RNF19B: variants seen among roughly 807,000 people sequenced by gnomAD.
The protein encoded by RNF19B is E3 ubiquitin-protein ligase RNF19B.
In RNF19B, 23 loss-of-function variants were observed where a neutral mutation model predicts 65.5. The ratio of observed to expected loss-of-function variants is 0.35; its 90% CI spans 0.25 to 0.50. RNF19B has a LOEUF of 0.50. Among genes scored for constraint, RNF19B ranks in the 20% least tolerant of loss-of-function variants. The probability of loss-of-function intolerance (pLI) is 0.98; values close to 1 mark genes in which losing one functional copy is unlikely to be tolerated. For synonymous variants in RNF19B, 372 were observed against 379.6 expected (o/e 0.98, Z 0.23); for missense variants, 794 against 980.0 (o/e 0.81, Z 2.53).
chr1:32,938,354 C>T lies in RNF19B; in HGVS notation c.1742+43G>A, dbSNP rs753502870. 30 of 1,613,050 alleles carry T rather than the reference C, an allele frequency of 1.9e-5. No homozygotes were observed. In the East Asian group the frequency reaches 2.2e-4, roughly 12 times the overall value. On this transcript the variant is annotated intron_variant, in intron 8 of 8. Transcript: ENST00000235150. ...GAACTTCTGAAGACCTAGTACCCAA[C>T]GAAAAAATGCAACCTCTCCTGGACA...
At chr1:32,944,247 CT>C in intron 5 of RNF19B, 88 bp from the exon 6 acceptor site, 1 of 1,417,556 alleles carries the variant, frequency 7.1e-7, no homozygotes, top group Non-Finnish European at 9.5e-7. Flanking sequence ...GGACAAACCA[CT>C]TTATAAAGAA....
Position 32,964,612 on chromosome 1 carries a change from C to A in RNF19B, c.74G>T (p.Arg25Leu). The change falls in exon 1 of 9, where the codon CGC becomes CTC. Residue 25 changes from arginine to leucine, a missense_variant. Transcript: ENST00000235150. This position sits in a 1 kb window ranked among gnomAD's most constrained non-coding sequence, Gnocchi z 6.5. ...LHAAAPDPKCRSGGRRRRLTL... is the reference protein window; with the variant it reads ...LHAAAPDPKCLSGGRRRRLTL... ...GAGGCGCCGGCGCCGGCCGCCGCTG[C>A]GGCACTTAGGGTCGGGTGCGGCCGC... 2.7e-6 allele frequency: 4 copies of A among 1,463,564 alleles called. No individual in the cohort carries two copies. The highest frequency in any genetic ancestry group is 2.7e-6 in the Non-Finnish European group (3 of 1,111,270). 90.7% of individuals were successfully genotyped at this position (1,463,564 alleles called of 1,614,324 possible). A position where few individuals can be genotyped will look rare whatever the true frequency, so the allele number is the denominator to read the frequency against.
chr1:32,952,429 TAAAAAAAAAAAAAAAAAAA>T (rs375150376), intron 1 of RNF19B, among the ~76,000 whole-genome samples: 1 of 73,998 alleles, frequency 1.4e-5, no homozygotes, highest in Admixed American at 1.5e-4. Flanking sequence ...CCTTTTCTCT[TAAAAAAAAAAAAAAAAAAA>T]AAAAAAAAAA....
intron 3 of RNF19B, 75 bp downstream of exon 3, chr1:32,948,147 T>A: frequency 6.6e-7 from 1 of 1,505,550 alleles, no homozygotes; most frequent in East Asian, 2.3e-5. Context: ...AACGGATGTG[T>A]CTTTTTGACA....
intron 1 of RNF19B, among the ~76,000 whole-genome samples, chr1:32,951,220 G>A (rs1350284704): frequency 1.3e-5 from 2 of 152,204 alleles, no homozygotes; most frequent in South Asian, 2.1e-4. Context: ...AAATGGCTCA[G>A]TGTTGTATTT....
chr1:32,958,619 G>A (rs1278201930), intron 1 of RNF19B, among the ~76,000 whole-genome samples: 3 of 152,020 alleles, frequency 2.0e-5, no homozygotes, highest in Non-Finnish European at 4.4e-5. Flanking sequence ...AGGAGGCTGA[G>A]GCAGGAGAAT....
intron 1 of RNF19B, among the ~76,000 whole-genome samples, chr1:32,962,640 T>C (rs116230501): frequency 0.018 from 2,682 of 152,308 alleles, 41 homozygotes; most frequent in Non-Finnish European, 0.03. Flanking sequence ...ACCACCTTGA[T>C]ATATAGGCTA....
chr1:32,943,136 G>A (rs575790576), intron 6 of RNF19B, among the ~76,000 whole-genome samples: 5 of 134,472 alleles, frequency 3.7e-5, no homozygotes, highest in East Asian at 2.1e-4. Context: ...GCAAGACTCC[G>A]TCTCAAAAAA....
intron 1 of RNF19B, among the ~76,000 whole-genome samples, chr1:32,955,664 G>A (rs1642619887): frequency 6.6e-6 from 1 of 150,996 alleles, no homozygotes; most frequent in African/African-American, 2.4e-5. Context: ...TGGGAGGACG[G>A]CTACAGCCCG....
Position 32,946,579 on chromosome 1 carries a change from G to GA in RNF19B, c.984-16dup. ...AGCCAGAGGGGCTGCAGGGGAAACAGACTGAAGTTAATGTCAACATTACAA... is the reference window on the plus strand; with the variant it reads ...AGCCAGAGGGGCTGCAGGGGAAACAGAACTGAAGTTAATGTCAACATTACAA... On this transcript the variant is annotated splice_polypyrimidine_tract_variant and intron_variant, in intron 3 of 8. Coordinates refer to ENST00000235150, the MANE Select transcript of RNF19B (RefSeq NM_001300826.2). 6.2e-7 allele frequency: 1 copy of GA among 1,610,188 alleles called. No homozygotes were observed. Among genetic ancestry groups the GA allele is most frequent in the Non-Finnish European group, 8.5e-7 (1 of 1,178,010 alleles).
At position 32,942,273 on chromosome 1, in the gene RNF19B, C is replaced by A; in HGVS notation, c.1589G>T (p.Ser530Ile). 6.2e-7 allele frequency: 1 copy of A among 1,611,062 alleles called. No individual in the cohort carries two copies. Among genetic ancestry groups the A allele is most frequent in the Middle Eastern group, 1.7e-4 (1 of 6,052 alleles). Residue 530 changes from serine to isoleucine, a missense_variant, in exon 7 of 9, where the codon AGT becomes ATT. Around this residue, in one of 3 missense-constraint regions of RNF19B, gnomAD observed 368 missense variants for 447.3 expected, o/e 0.82. Coordinates refer to ENST00000235150, the MANE Select transcript of RNF19B (RefSeq NM_001300826.2). ...TTACCTGCTATATTTTCCCTTGCCA[C>A]TGGAGAGAATGCCGCCACTCAGCGT... is the stretch of plus-strand genomic sequence containing the variant. ...GGTLSGGILS[S>I]GKGKYSRLEV...
intron 1 of RNF19B, among the ~76,000 whole-genome samples, chr1:32,962,282 T>C (rs1386149201): frequency 6.6e-6 from 1 of 152,168 alleles, no homozygotes; most frequent in Admixed American, 6.5e-5. Flanking sequence ...GTTCTCTTAA[T>C]ATTCGTTTGG....
Position 32,943,325 on chromosome 1 carries a change from A to G in RNF19B, c.1402+694T>C, listed in dbSNP as rs142415297. Among the ~76,000 whole-genome samples the G allele has an allele frequency of 2.0e-5, 3 of 151,814 alleles. No individual in the cohort carries two copies. In the East Asian group the frequency reaches 5.9e-4, roughly 30 times the overall value. On this transcript the variant is annotated intron_variant, in intron 6 of 8. Coordinates refer to ENST00000235150, the MANE Select transcript of RNF19B (RefSeq NM_001300826.2). ...AAGATGAAAGCTTAAAGAAATTCCC[A>G]TTTAGGCCAGATGTGGTGGCTCACA...
In RNF19B at chr1:32,964,170, C is replaced by A. The variant is rs558600798; in HGVS notation, c.516G>T (p.Pro172=). 7 of 1,544,746 alleles carry A rather than the reference C, an allele frequency of 4.5e-6. No individual in the cohort carries two copies. The Admixed American group carries it at 9.9e-5, about 22-fold the overall frequency. The change falls in exon 1 of 9, where the codon CCG becomes CCT. Residue 172 remains proline, a synonymous_variant. Transcript: ENST00000235150. The surrounding 1 kb of genome is among the most constrained non-coding windows in gnomAD (Gnocchi z 6.5). ...SCPECSERLN[P]HDIRLLLADP... ...CGGCGAGCAGCAAGCGGATGTCGTG[C>A]GGGTTGAGTCGCTCGCTGCACTCGG... is the stretch of plus-strand genomic sequence containing the variant.
chr1:32,939,142 AACCATTC>A (rs1471509980), intron 7 of RNF19B, among the ~76,000 whole-genome samples: 1 of 152,088 alleles, frequency 6.6e-6, no homozygotes, highest in East Asian at 1.9e-4. Flanking sequence ...TATCCCAGCA[AACCATTC>A]ACTTCTTGCT....
intron 1 of RNF19B, among the ~76,000 whole-genome samples, chr1:32,953,140 AT>A (rs564554116): frequency 8.3e-5 from 12 of 145,410 alleles, no homozygotes; most frequent in Admixed American, 6.9e-5. Flanking sequence ...TTTTCTTTTT[AT>A]TTTTTTTTTG....
downstream of RNF19B, among the ~76,000 whole-genome samples, chr1:32,934,711 G>T (rs1194945379): frequency 6.6e-6 from 1 of 152,108 alleles, no homozygotes; most frequent in African/African-American, 2.4e-5. Flanking sequence ...GAAAGTTGGG[G>T]AAGTTAGGGG....
In RNF19B at chr1:32,938,464, T is replaced by C. The variant is rs772291724; in HGVS notation, c.1675A>G (p.Ile559Val). ...GCACGAGTGCTTGCGTTGTCACTAA[T>C]TGCACCAAGACTGGCTGTGTCTTTG... ...FPKDTASLGA[I>V]SDNASTRAMA... is the part of the protein sequence containing the mutation. The change falls in exon 8 of 9, where the codon ATT becomes GTT. Residue 559 changes from isoleucine (I) to valine (V), a missense_variant. Ile to Val is a conservative substitution (Grantham distance 29, BLOSUM62 3). This residue lies in a region of RNF19B where 368 missense variants were observed against 447.3 expected (regional missense o/e 0.82). Coordinates refer to ENST00000235150, the MANE Select transcript of RNF19B (RefSeq NM_001300826.2). 13 of 1,614,084 alleles carry C rather than the reference T, an allele frequency of 8.1e-6. No homozygotes were observed. In the African/African-American group the frequency reaches 1.2e-4, roughly 15 times the overall value.
chr1:32,944,005 A>C lies in RNF19B; in HGVS notation c.1402+14T>G, dbSNP rs1160658416. 2 of 1,594,138 alleles carry C rather than the reference A, an allele frequency of 1.3e-6. No individual in the cohort carries two copies. Among genetic ancestry groups the C allele is most frequent in the Admixed American group, 1.8e-5 (1 of 56,604 alleles). ...ATCATAAATTCAAATGGAAATAAAC[A>C]TCCTGCTTTTTACCTGTGATTGGAC... is the stretch of plus-strand genomic sequence containing the variant. On this transcript the variant is annotated intron_variant, in intron 6 of 8. Coordinates refer to ENST00000235150, the MANE Select transcript of RNF19B (RefSeq NM_001300826.2).
Sources: gnomAD v4.1 joint callset for allele counts (sites outside exome capture counted in the v4.1 genomes callset) on GRCh38, gnomAD v4.1.1 for gene constraint, gnomAD v4.1.1 regional missense constraint, Gnocchi (gnomAD v3.1) non-coding constraint, MANE v1.5 for transcripts, NCBI Gene and HGNC (gene_info 2026-07-23, HGNC 2026-07-21) for gene names.